DGUOK: variants seen among roughly 807,000 people sequenced by gnomAD.
The protein encoded by DGUOK is deoxyguanosine kinase.
In DGUOK, 30 loss-of-function variants were observed where a neutral mutation model predicts 36.6. The observed-to-expected ratio is 0.82, with a 90% CI of 0.61 to 1.11. DGUOK has a LOEUF of 1.11. DGUOK is among the 50% of genes most tolerant of loss of function. The pLI, the probability that DGUOK is intolerant of heterozygous loss-of-function variation, is 0.00. For synonymous variants in DGUOK, 145 were observed against 126.3 expected (o/e 1.15, Z -0.99); for missense variants, 361 against 336.4 (o/e 1.07, Z -0.57).
chr2:73,957,428 C>T (rs1028966454), intron 5 of DGUOK, among the ~76,000 whole-genome samples, 188 bp downstream of exon 5: 2 of 152,176 alleles, frequency 1.3e-5, no homozygotes, highest in African/African-American at 4.8e-5. Context: ...GCCTGTAATC[C>T]CAGCACTTTG....
intron 3 of DGUOK, chr2:73,947,232 TAG>T (rs1265557775): frequency 2.6e-6 from 1 of 381,482 alleles, no homozygotes; most frequent in African/African-American, 2.1e-5. Context: ...AGGCACATAA[TAG>T]ACACTTAAGT....
intron 3 of DGUOK, among the ~76,000 whole-genome samples, chr2:73,950,316 T>C (rs1304171286): frequency 6.6e-6 from 1 of 152,248 alleles, no homozygotes; most frequent in African/African-American, 2.4e-5. Context: ...TCTGTCTCTT[T>C]TCTTCCAGTG....
chr2:73,953,290 ATCGTCGTCGTCGTCG>A (rs70965773), intron 4 of DGUOK, among the ~76,000 whole-genome samples: 1 of 140,710 alleles, frequency 7.1e-6, no homozygotes, highest in Non-Finnish European at 1.6e-5. Flanking sequence ...CATCATCATC[ATCGTCGTCGTCGTCG>A]TCGTCGTCGT....
At chr2:73,950,874 T>A in intron 4 of DGUOK, 142 bp downstream of exon 4, 1 of 1,134,362 alleles carries the variant, frequency 8.8e-7, no homozygotes, top group Non-Finnish European at 1.3e-6. Context: ...GACACCCTCC[T>A]GTCCCAGCGT....
Position 73,958,296 on chromosome 2 carries a change from T to C in DGUOK, c.807+51T>C, listed in dbSNP as rs754144597. 7 of 1,462,948 alleles carry C rather than the reference T, an allele frequency of 4.8e-6. No homozygotes were observed. In the African/African-American group the frequency reaches 6.9e-5, roughly 15 times the overall value. 90.6% of individuals were successfully genotyped at this position (1,462,948 alleles called of 1,614,324 possible). On this transcript the variant is annotated intron_variant, in intron 6 of 6. Transcript: ENST00000264093. ...TCTGGTGGTTTCCTTTGTTGTACTT[T>C]TATCTTTCTGGCCTTTGCTTCAAAG... is the stretch of plus-strand genomic sequence containing the variant.
At chr2:73,927,484 C>G (rs928349934) in intron 1 of DGUOK, among the ~76,000 whole-genome samples, 3 of 152,178 alleles carry the variant, frequency 2.0e-5, no homozygotes, top group South Asian at 4.1e-4. Flanking sequence ...TTTGGGACAT[C>G]CTTACAGCAA....
chr2:73,954,159 T>C (rs1005851038), intron 4 of DGUOK, among the ~76,000 whole-genome samples: 4 of 151,906 alleles, frequency 2.6e-5, no homozygotes, highest in South Asian at 2.1e-4. Context: ...CTGGGCAACA[T>C]AGTGAGAGCC....
At chr2:73,951,152 G>A (rs1464691) in intron 4 of DGUOK, among the ~76,000 whole-genome samples, 77,814 of 151,984 alleles carry the variant, frequency 0.51, 22,560 homozygotes, top group Non-Finnish European at 0.63. Flanking sequence ...ACCTCATCAT[G>A]ATACTGCCCT....
At chr2:73,944,105 A>G (rs1682112084) in intron 2 of DGUOK, among the ~76,000 whole-genome samples, 1 of 151,966 alleles carries the variant, frequency 6.6e-6, no homozygotes, top group Non-Finnish European at 1.5e-5. Flanking sequence ...GTAGCACTGA[A>G]CTCCTGGGTT....
chr2:73,951,690 C>T (rs540272204), intron 4 of DGUOK, among the ~76,000 whole-genome samples: 2 of 152,072 alleles, frequency 1.3e-5, no homozygotes, highest in South Asian at 2.1e-4. Context: ...CACCAGCCAA[C>T]GAGGAGAGGA....
intron 3 of DGUOK, among the ~76,000 whole-genome samples, chr2:73,949,636 A>G (rs900520138): frequency 6.6e-6 from 1 of 152,246 alleles, no homozygotes; most frequent in African/African-American, 2.4e-5. Flanking sequence ...TGACACTCAC[A>G]GCCTTGCAGT....
chr2:73,934,023 A>G (rs921224086), intron 1 of DGUOK, among the ~76,000 whole-genome samples: 3 of 152,112 alleles, frequency 2.0e-5, no homozygotes, highest in Non-Finnish European at 4.4e-5. Flanking sequence ...CATGTTTTTC[A>G]TCTTGTTCAG....
At chr2:73,944,437 T>C (rs1303706693) in intron 2 of DGUOK, among the ~76,000 whole-genome samples, 3 of 152,182 alleles carry the variant, frequency 2.0e-5, no homozygotes, top group African/African-American at 7.2e-5. Context: ...GCAATTGCAT[T>C]TTTCACCTCT....
chr2:73,933,039 A>G (rs1244863000), intron 1 of DGUOK, among the ~76,000 whole-genome samples: 1 of 152,196 alleles, frequency 6.6e-6, no homozygotes, highest in Non-Finnish European at 1.5e-5. Flanking sequence ...CCTTATTTTC[A>G]AAGACCCAAC....
At chr2:73,935,086 A>G (rs969010500) in intron 1 of DGUOK, among the ~76,000 whole-genome samples, 1 of 109,418 alleles carries the variant, frequency 9.1e-6, no homozygotes, top group Non-Finnish European at 2.1e-5. Context: ...AAATAAATAA[A>G]TAAACAAACA....
At position 73,957,165 on chromosome 2, in the gene DGUOK, A is replaced by C; in HGVS notation, c.632A>C (p.Glu211Ala). ...KRLYQRAREE[E>A]KGIELAYLEQ... ...CTGTACCAGAGGGCCAGGGAGGAGG[A>C]GAAAGGAATTGAGCTGGCCTATCTA... The change falls in exon 5 of 7, where the codon GAG (glutamate) becomes GCG (alanine). Residue 211 changes from glutamate to alanine, a missense_variant. By Grantham distance (107) the Glu-to-Ala change is moderately radical. Coordinates refer to ENST00000264093, the MANE Select transcript of DGUOK (RefSeq NM_080916.3). 6.2e-7 allele frequency: 1 copy of C among 1,614,098 alleles called. No homozygotes were observed. Among genetic ancestry groups the C allele is most frequent in the Non-Finnish European group, 8.5e-7 (1 of 1,179,994 alleles).
intron 1 of DGUOK, among the ~76,000 whole-genome samples, chr2:73,929,901 T>A (rs1192645470): frequency 5.9e-5 from 9 of 151,838 alleles, no homozygotes; most frequent in Non-Finnish European, 1.0e-4. Context: ...TAGAAGAGGG[T>A]GTGAGTGTTT....
chr2:73,936,075 C>T (rs144424060), intron 1 of DGUOK, among the ~76,000 whole-genome samples: 268 of 152,266 alleles, frequency 1.8e-3, no homozygotes, highest in African/African-American at 6.0e-3. Context: ...AAATCAGCTA[C>T]GTTTATCTTT....
chr2:73,930,283 A>G (rs1470149190), intron 1 of DGUOK, among the ~76,000 whole-genome samples: 1 of 152,188 alleles, frequency 6.6e-6, no homozygotes, highest in Non-Finnish European at 1.5e-5. Context: ...AGCAAGAGAA[A>G]TGTTGAATTA....
Sources: gnomAD v4.1 joint callset for allele counts (sites outside exome capture counted in the v4.1 genomes callset) on GRCh38, gnomAD v4.1.1 for gene constraint, MANE v1.5 for transcripts, NCBI Gene and HGNC (gene_info 2026-07-23, HGNC 2026-07-21) for gene names.